EIF3A: variants seen among roughly 807,000 people sequenced by gnomAD.
EIF3A encodes the protein eukaryotic translation initiation factor 3 subunit A, also known as EIF3, p180 subunit.
In EIF3A, 21 loss-of-function variants were observed where a neutral mutation model predicts 186.6. The observed-to-expected ratio is 0.11, with a 90% CI of 0.08 to 0.16. The LOEUF is 0.16. EIF3A is among the 10% of genes least tolerant of loss of function. The pLI, the probability that EIF3A is intolerant of heterozygous loss-of-function variation, is 1.00. For missense variants in EIF3A, 1,306 were observed against 1,796.3 expected (o/e 0.73, Z 4.93); for synonymous variants, 563 against 584.3 (o/e 0.96, Z 0.52).
At position 119,050,035 on chromosome 10, in the gene EIF3A, C is replaced by A. The variant is rs777975052; in HGVS notation, c.2474-50G>T. The A allele has an allele frequency of 6.4e-6, 10 of 1,562,166 alleles. No individual in the cohort carries two copies. In the East Asian group the frequency reaches 9.0e-5, roughly 14 times the overall value. On this transcript the variant is annotated intron_variant, in intron 16 of 21. Transcript: ENST00000369144. The stretch of plus-strand genomic sequence containing the variant: ...GTGTGCCTCCCAGCCATATCTTCCC[C>A]CTAGTGCTAGTTCCACTTTTCTGGT...
intron 9 of EIF3A, chr10:119,060,074 A>AT (rs780815507): frequency 1.9e-6 from 1 of 516,352 alleles, no homozygotes; most frequent in Non-Finnish European, 3.8e-6. Context: ...GCCTTCAATT[A>AT]TTTGTATAGC....
At chr10:119,076,217 T>C (rs1844170421) in intron 1 of EIF3A, among the ~76,000 whole-genome samples, 1 of 150,508 alleles carries the variant, frequency 6.6e-6, no homozygotes, top group African/African-American at 2.4e-5. Flanking sequence ...CCCGTAATCC[T>C]AGCTACTTGG....
rs1336258163 is a variant in EIF3A, at chr10:119,069,580, C to T, written c.816G>A (p.Met272Ile). The change falls in exon 6 of 22, where the codon ATG becomes ATA. Residue 272 changes from methionine (M) to isoleucine (I), a missense_variant. Physicochemically the swap from Met to Ile is conservative, Grantham distance 10. This residue lies in a region of EIF3A where 267 missense variants were observed against 367.8 expected (regional missense o/e 0.73). Transcript: ENST00000369144. ...LSKKPPKPQLMANYYNKVSTV... is the reference protein window; with the variant it reads ...LSKKPPKPQLIANYYNKVSTV... ...TTGAGACTTTGTTATAGTAATTTGC[C>T]ATCAACTGAGGTTTAGGTGGTTTTT... The T allele has an allele frequency of 6.3e-7, 1 of 1,598,582 alleles. No individual in the cohort carries two copies. The highest frequency in any genetic ancestry group is 8.6e-7 in the Non-Finnish European group (1 of 1,165,952).
At chr10:119,041,928 T>C in intron 19 of EIF3A, 66 bp downstream of exon 19, 1 of 1,487,194 alleles carries the variant, frequency 6.7e-7, no homozygotes, top group South Asian at 1.2e-5. Context: ...AGCCCTGATA[T>C]TTATCCATCA....
intron 10 of EIF3A, 65 bp from the exon 11 acceptor site, chr10:119,059,462 G>T: frequency 1.5e-6 from 2 of 1,327,260 alleles, no homozygotes; most frequent in East Asian, 4.6e-5. Flanking sequence ...AGTAACAGAA[G>T]AATGTCATAT....
intron 1 of EIF3A, among the ~76,000 whole-genome samples, chr10:119,076,636 T>G (rs998555894): frequency 6.6e-6 from 1 of 152,082 alleles, no homozygotes; most frequent in African/African-American, 2.4e-5. Flanking sequence ...GCATGTAAGG[T>G]TATTTTCTAA....
chr10:119,036,206 G>A lies in EIF3A; in HGVS notation c.3982C>T (p.Arg1328Cys), dbSNP rs757041285. Residue 1328 changes from arginine (R) to cysteine (C), a missense_variant, in exon 22 of 22, where the codon CGT becomes TGT. Transcript: ENST00000369144. ...DDRVEERDPP[R>C]RVPPPALSRD... ...GAAAGAGCTGGGGGAGGAACTCGAC[G>A]AGGAGGGTCCCGCTCTTCCACCCGG... The A allele has an allele frequency of 1.2e-6, 2 of 1,613,514 alleles. No homozygotes were observed. Among genetic ancestry groups the A allele is most frequent in the South Asian group, 1.1e-5 (1 of 91,026 alleles).
At chr10:119,060,690 T>C (rs528781192) in intron 9 of EIF3A, 56 bp downstream of exon 9, 2 of 1,374,288 alleles carry the variant, frequency 1.5e-6, no homozygotes, top group East Asian at 2.4e-5. Flanking sequence ...TTCCAGTTTT[T>C]AGTTTCATGA....
rs1848128355 is a variant in EIF3A at position 119,036,253 on chromosome 10, C to T, written c.3935G>A (p.Arg1312His). 6.2e-7 allele frequency: 1 copy of T among 1,612,636 alleles called. No homozygotes were observed. Among genetic ancestry groups the T allele is most frequent in the Non-Finnish European group, 8.5e-7 (1 of 1,179,514 alleles). ...CCGGTCATCTTTCCTGTCATCAGCACGTCTCCAAGAACTTACTAAAAAGTT... is the reference window on the plus strand; with the variant it reads ...CCGGTCATCTTTCCTGTCATCAGCATGTCTCCAAGAACTTACTAAAAAGTT... ...SEREEVSSWR[R>H]ADDRKDDRVE... Residue 1312 changes from arginine to histidine, a missense_variant, in exon 22 of 22, where the codon CGT becomes CAT. Coordinates refer to ENST00000369144, the MANE Select transcript of EIF3A (RefSeq NM_003750.4).
At chr10:119,049,750 A>C in intron 17 of EIF3A, 51 bp downstream of exon 17, 1 of 1,533,944 alleles carries the variant, frequency 6.5e-7, no homozygotes, top group East Asian at 2.3e-5. Context: ...CCTCAACCAA[A>C]AAAAAAAAGT....
chr10:119,069,394 T>TAG, intron 6 of EIF3A, 52 bp downstream of exon 6: 1 of 906,176 alleles, frequency 1.1e-6, no homozygotes, highest in East Asian at 2.5e-5. Flanking sequence ...TGTCATATAA[T>TAG]AGACGATATT....
intron 14 of EIF3A, among the ~76,000 whole-genome samples, chr10:119,052,507 T>C (rs1411972642): frequency 1.3e-5 from 2 of 151,952 alleles, no homozygotes; most frequent in Non-Finnish European, 2.9e-5. Context: ...CCCAAGTAGC[T>C]GGAACTGCAG....
In EIF3A at chr10:119,073,756, A is replaced by G. The variant is rs771967945; in HGVS notation, c.231T>C (p.Ile77=). The G allele has an allele frequency of 1.9e-6, 3 of 1,594,886 alleles. No homozygotes were observed. The African/African-American group carries it at 4.1e-5, about 22-fold the overall frequency. ...CCAGTTCCGTTTGTACCTGTTGACAAATGTTCTTATACTGGTATAACCCCT... is the reference window on the plus strand; with the variant it reads ...CCAGTTCCGTTTGTACCTGTTGACAGATGTTCTTATACTGGTATAACCCCT... ...AKEGLYQYKN[I]CQQVNIKSLE... The change falls in exon 2 of 22, where the codon ATT becomes ATC. Residue 77 remains isoleucine (I), a synonymous_variant. Coordinates refer to ENST00000369144, the MANE Select transcript of EIF3A (RefSeq NM_003750.4).
chr10:119,041,953 C>G, intron 19 of EIF3A, 41 bp downstream of exon 19: 5 of 1,582,546 alleles, frequency 3.2e-6, no homozygotes, highest in Non-Finnish European at 4.3e-6. Context: ...TTCACTTTTA[C>G]AGGTGAACAC....
In EIF3A at chr10:119,040,016, T is replaced by C. The variant is rs552619645; in HGVS notation, c.3527-1577A>G. Among the ~76,000 whole-genome samples the C allele has an allele frequency of 4.6e-5, 7 of 152,260 alleles. No homozygotes were observed. In the South Asian group the frequency reaches 6.2e-4, roughly 14 times the overall value. On this transcript the variant is annotated intron_variant, in intron 19 of 21. Coordinates refer to ENST00000369144, the MANE Select transcript of EIF3A (RefSeq NM_003750.4). Reference sequence around the variant, plus strand: ...AAGAATCTGCTATACTGTTACCCCATTTAACATGAGGAAAAGAAAAATTAA... The same window carrying C: ...AAGAATCTGCTATACTGTTACCCCACTTAACATGAGGAAAAGAAAAATTAA...
Position 119,043,572 on chromosome 10 carries a change from G to A in EIF3A, c.2747+482C>T, listed in dbSNP as rs139369504. On this transcript the variant is annotated intron_variant, in intron 18 of 21. Coordinates refer to ENST00000369144, the MANE Select transcript of EIF3A (RefSeq NM_003750.4). The stretch of plus-strand genomic sequence containing the variant: ...TGAGGCTGTAGTGAGCCGAGATCGC[G>A]CCACTGCACTCCAGAGTGAGACGCC... Among the ~76,000 whole-genome samples, 344 of 152,124 alleles carry A rather than the reference G, an allele frequency of 2.3e-3. 11 individuals are homozygous for A. The East Asian group carries it at 0.053, about 23-fold the overall frequency.
At position 119,073,849 on chromosome 10, in the gene EIF3A, T is replaced by C; in HGVS notation, c.138A>G (p.Ile46Met). 6.2e-7 allele frequency: 1 copy of C among 1,613,856 alleles called. No individual in the cohort carries two copies. Among genetic ancestry groups the C allele is most frequent in the Non-Finnish European group, 8.5e-7 (1 of 1,179,946 alleles). The change falls in exon 2 of 22, where the codon ATA becomes ATG. Residue 46 changes from isoleucine (I) to methionine (M), a missense_variant. This residue lies in a region of EIF3A where 130 missense variants were observed against 259.3 expected (regional missense o/e 0.50). Transcript: ENST00000369144. ...KSKKHRTWQK[I>M]HEPIMLKYLE... Reference sequence around the variant, plus strand: ...AGTATTTCAACATAATTGGTTCGTGTATCTTTTGCCATGTTCTATGTTTTT... The same window carrying C: ...AGTATTTCAACATAATTGGTTCGTGCATCTTTTGCCATGTTCTATGTTTTT...
Position 119,042,937 on chromosome 10 carries a change from G to C in EIF3A, c.2748-165C>G, listed in dbSNP as rs1475636974. On this transcript the variant is annotated intron_variant, in intron 18 of 21. Transcript: ENST00000369144. The surrounding 1 kb of genome is among the most constrained non-coding windows in gnomAD (Gnocchi z 7.8). ...GGAAGCAGAGGCAGGCAGATCACCT[G>C]AGGTCAGGAGTTCAAGACCAGCCTG... 6.6e-6 allele frequency among the ~76,000 whole-genome samples: 1 copy of C among 152,096 alleles called. No homozygotes were observed. Among genetic ancestry groups the C allele is most frequent in the Admixed American group, 6.5e-5 (1 of 15,274 alleles).
rs1848086671 is a variant in EIF3A at position 119,033,726 on chromosome 10, A to G, written c.*2313T>C. 1 of 166,946 alleles carries G rather than the reference A, an allele frequency of 6.0e-6. No homozygotes were observed. Among genetic ancestry groups the G allele is most frequent in the African/African-American group, 2.4e-5 (1 of 41,452 alleles). The allele number at this position is 166,946 out of a possible 1,614,324, so 10.3% of individuals were successfully genotyped here. ...ATTATACATATTAAAATTATATCACAAATATATATGCTTCCAGACAAAGAA... is the reference window on the plus strand; with the variant it reads ...ATTATACATATTAAAATTATATCACGAATATATATGCTTCCAGACAAAGAA... On this transcript the variant is annotated 3_prime_UTR_variant, in exon 22 of 22. Transcript: ENST00000369144.
Sources: allele counts gnomAD v4.1 joint callset (sites outside exome capture counted in the v4.1 genomes callset), GRCh38; gene constraint gnomAD v4.1.1; regional missense constraint gnomAD v4.1.1; non-coding constraint Gnocchi (gnomAD v3.1); transcripts MANE v1.5; gene names NCBI Gene and HGNC (gene_info 2026-07-23, HGNC 2026-07-21).